The following PPEF2 variants were observed in gnomAD, a reference collection of about 807,000 sequenced individuals.
PPEF2 encodes the protein protein phosphatase with EF-hand domain 2.
Under a neutral mutation model 84.7 loss-of-function variants are expected in PPEF2, and 84 were observed. The observed-to-expected ratio is 0.99, with a 90% CI of 0.83 to 1.19. The LOEUF is 1.19. PPEF2 is among the 50% of genes most tolerant of loss of function. The pLI is 0.00. For missense variants in PPEF2, 924 were observed against 937.5 expected, an observed-to-expected ratio of 0.99 and a Z score of 0.19; for synonymous variants, 346 against 345.2, an observed-to-expected ratio of 1.00 and a Z score of -0.03.
At chr4:75,882,738 A>G in intron 10 of PPEF2, 188 bp downstream of exon 10, 2 of 559,558 alleles carry the variant, frequency 3.6e-6, no homozygotes, top group Non-Finnish European at 6.0e-6. Context: ...GTCTCAAGCA[A>G]TCTTCCTGTC....
At chr4:75,886,936 T>A (rs747867102) in intron 6 of PPEF2, 38 bp from the exon 7 acceptor site, 2 of 1,121,780 alleles carry the variant, frequency 1.8e-6, no homozygotes, top group African/African-American at 3.2e-5. Context: ...TTCTGATTGT[T>A]CCTTACCAGT....
intron 2 of PPEF2, among the ~76,000 whole-genome samples, chr4:75,895,901 G>T (rs1388363422): frequency 1.3e-5 from 2 of 151,860 alleles, no homozygotes; most frequent in South Asian, 2.1e-4. Flanking sequence ...AAAATTGTTA[G>T]ATTGGCCACT....
At chr4:75,865,611 C>A (rs1724108896) in intron 15 of PPEF2, among the ~76,000 whole-genome samples, 3 of 151,816 alleles carry the variant, frequency 2.0e-5, no homozygotes, top group Admixed American at 1.3e-4. Context: ...GTCTCGAACT[C>A]CTGGCCTCAA....
chr4:75,888,877 C>T (rs1392733737), intron 5 of PPEF2, among the ~76,000 whole-genome samples: 1 of 152,210 alleles, frequency 6.6e-6, no homozygotes, highest in Non-Finnish European at 1.5e-5. Context: ...GCCCTTGCCG[C>T]CTACACTGTC....
At position 75,880,396 on chromosome 4, in the gene PPEF2, T is replaced by C. The variant is rs1318012294; in HGVS notation, c.933+2530A>G. 1.3e-5 allele frequency among the ~76,000 whole-genome samples: 2 copies of C among 152,218 alleles called. 1 individual carries two copies. Among genetic ancestry groups the C allele is most frequent in the Non-Finnish European group, 2.9e-5 (2 of 68,040 alleles). Reference sequence around the variant, plus strand: ...TGGAGCCCATACCTCTCTGTACTTCTCTCTCAAGTAGTCCTTGGACTGTAT... The same window carrying C: ...TGGAGCCCATACCTCTCTGTACTTCCCTCTCAAGTAGTCCTTGGACTGTAT... On this transcript the variant is annotated intron_variant, in intron 10 of 16. Coordinates refer to ENST00000286719, the MANE Select transcript of PPEF2 (RefSeq NM_006239.3).
In PPEF2 at chr4:75,871,007, T is replaced by A. The variant is rs1307720233; in HGVS notation, c.1649+1018A>T. On this transcript the variant is annotated intron_variant, in intron 13 of 16. Transcript: ENST00000286719. ...TCTCGGGTCACTGCAACCTCCAACCTCCTGGGTTCCAGCAATTCTCCTGCC... is the reference window on the plus strand; with the variant it reads ...TCTCGGGTCACTGCAACCTCCAACCACCTGGGTTCCAGCAATTCTCCTGCC... Among the ~76,000 whole-genome samples, 5 of 150,918 alleles carry A rather than the reference T, an allele frequency of 3.3e-5. No individual in the cohort carries two copies. In the East Asian group the frequency reaches 7.8e-4, roughly 24 times the overall value.
chr4:75,873,756 A>G (rs376812786), intron 11 of PPEF2, among the ~76,000 whole-genome samples: 67 of 152,288 alleles, frequency 4.4e-4, no homozygotes, highest in African/African-American at 1.5e-3. Flanking sequence ...GTCCTGGGAA[A>G]ATGCAATCGA....
intron 6 of PPEF2, 80 bp downstream of exon 6, chr4:75,888,134 C>A (rs1466513815): frequency 4.3e-5 from 48 of 1,113,804 alleles, no homozygotes; most frequent in Non-Finnish European, 6.1e-5. Flanking sequence ...CTGCAGCCCG[C>A]CACTCCTCTT....
chr4:75,897,753 G>A (rs997728409), intron 1 of PPEF2, among the ~76,000 whole-genome samples: 1 of 152,122 alleles, frequency 6.6e-6, no homozygotes, highest in Non-Finnish European at 1.5e-5. Context: ...CTCCAGCCTG[G>A]GCGACAGAGC....
At position 75,863,335 on chromosome 4, in the gene PPEF2, CAAA is replaced by C. The variant is rs55667727; in HGVS notation, c.2008+1102_2008+1104del. ...TGAAATCCTGTCTCTACTAAAAATA[CAAA>C]AAAAAAAAAAAAATAGCCAGGTGTG... On this transcript the variant is annotated intron_variant, in intron 16 of 16. Coordinates refer to ENST00000286719, the MANE Select transcript of PPEF2 (RefSeq NM_006239.3). Among the ~76,000 whole-genome samples the C allele has an allele frequency of 8.1e-3, 1,142 of 140,812 alleles. 10 individuals carry two copies. Among genetic ancestry groups the C allele is most frequent in the African/African-American group, 0.02 (755 of 38,192 alleles). The allele number at this position is 140,812 out of a possible 152,430, so 92.4% of individuals were successfully genotyped here.
chr4:75,864,621 C>A, intron 15 of PPEF2, 94 bp from the exon 16 acceptor site: 1 of 992,024 alleles, frequency 1.0e-6, no homozygotes, highest in South Asian at 1.4e-5. Flanking sequence ...ATCACACATT[C>A]TTGAAAAAAC....
chr4:75,873,452 T>C (rs564589165), intron 11 of PPEF2, 140 bp from the exon 12 acceptor site: 2 of 832,734 alleles, frequency 2.4e-6, no homozygotes, highest in South Asian at 3.9e-5. Context: ...ATATTTGACA[T>C]ACATTTATAT....
At chr4:75,873,075 C>T (rs529150915) in intron 12 of PPEF2, 52 bp downstream of exon 12, 20 of 1,521,770 alleles carry the variant, frequency 1.3e-5, no homozygotes, top group South Asian at 4.9e-5. Context: ...CTGAGCCCTT[C>T]GGACTACTTT....
chr4:75,893,608 G>A (rs1724942500), intron 2 of PPEF2, among the ~76,000 whole-genome samples: 2 of 152,120 alleles, frequency 1.3e-5, no homozygotes, highest in Admixed American at 6.6e-5. Flanking sequence ...ACCTCACCCT[G>A]GACCTGTAAC....
chr4:75,876,094 C>A (rs774244720), intron 11 of PPEF2, among the ~76,000 whole-genome samples, 193 bp downstream of exon 11: 2 of 152,210 alleles, frequency 1.3e-5, no homozygotes, highest in African/African-American at 4.8e-5. Flanking sequence ...TAGAGCCTAA[C>A]AGCCACACAT....
At chr4:75,899,430 A>G (rs1017107621) in intron 1 of PPEF2, among the ~76,000 whole-genome samples, 2 of 152,192 alleles carry the variant, frequency 1.3e-5, no homozygotes, top group East Asian at 3.8e-4. Context: ...TACAACAAAG[A>G]TGACACTTTC....
intron 10 of PPEF2, among the ~76,000 whole-genome samples, chr4:75,877,039 A>AAAGAAAGAAAGAAAGAAAG (rs149782164): frequency 2.7e-3 from 362 of 135,596 alleles, no homozygotes; most frequent in Middle Eastern, 3.7e-3. Flanking sequence ...AGAAAGAAAG[A>AAAGAAAGAAAGAAAGAAAG]AAAGAAACAG....
intron 2 of PPEF2, among the ~76,000 whole-genome samples, chr4:75,893,142 TC>T (rs1182249128): frequency 6.6e-6 from 1 of 152,176 alleles, no homozygotes; most frequent in East Asian, 1.9e-4. Flanking sequence ...TCAAAGGCAC[TC>T]ACTAAATAGT....
rs370458377 is a variant in PPEF2, at chr4:75,873,239, C to T, written c.1394G>A (p.Cys465Tyr). Reference protein sequence around the residue: ...CKANTIRGGGCYFGPDVTQQL... With the variant: ...CKANTIRGGGYYFGPDVTQQL... ...TTGTGTCACATCAGGCCCAAAATAA[C>T]AGCCTCCTCCTCGAATAGTGTTGGC... The change falls in exon 12 of 17, where the codon TGT becomes TAT. Residue 465 changes from cysteine (C) to tyrosine (Y), a missense_variant. Cys to Tyr is a radical substitution (Grantham distance 194). Transcript: ENST00000286719. 7.4e-6 allele frequency: 12 copies of T among 1,614,038 alleles called. No individual in the cohort carries two copies. Among genetic ancestry groups the T allele is most frequent in the Admixed American group, 1.7e-5 (1 of 59,998 alleles).
Sources: allele counts gnomAD v4.1 joint callset (sites outside exome capture counted in the v4.1 genomes callset), GRCh38; gene constraint gnomAD v4.1.1; transcripts MANE v1.5; gene names NCBI Gene and HGNC (gene_info 2026-07-23, HGNC 2026-07-21).